Variants in SURF6 observed in about 807,000 individuals in gnomAD.
SURF6 encodes surfeit locus protein 6.
In SURF6, 28 loss-of-function variants were observed where a neutral mutation model predicts 37.5. The ratio of observed to expected loss-of-function variants is 0.75; its 90% confidence interval spans 0.55 to 1.02. The LOEUF (loss-of-function observed/expected upper bound fraction) is 1.02, where lower values mean the gene tolerates loss of function less well. Among genes scored for constraint, SURF6 ranks in the 50% least tolerant of loss-of-function variants. SURF6 has a pLI of 0.00. For missense variants in SURF6, 560 were observed against 490.5 expected, an observed-to-expected ratio of 1.14 and a Z score of -1.34; for synonymous variants, 248 against 210.9, an observed-to-expected ratio of 1.18 and a Z score of -1.52.
At chr9:133,333,127 G>A (rs2129922546) in intron 3 of SURF6, among the ~76,000 whole-genome samples, 6 of 152,130 alleles carry the variant, frequency 3.9e-5, no homozygotes, top group African/African-American at 1.4e-4. Context: ...TTCTGTTCAC[G>A]AGGTACCCAA....
In SURF6 at chr9:133,334,504, C is replaced by G. The variant is rs2129927905; in HGVS notation, c.192G>C (p.Glu64Asp). The G allele has an allele frequency of 6.2e-7, 1 of 1,614,130 alleles. No individual in the cohort carries two copies. The part of the protein sequence containing the change: ...KFRKREEKAA[E>D]HKAKSLGEKS... ...TCTCCCCCAAGGACTTGGCCTTGTG[C>G]TCAGCAGCCTTCTCTTCTCGCTTCC... Residue 64 changes from glutamate to aspartate, a missense_variant, in exon 2 of 5, where the codon GAG becomes GAC. Coordinates refer to ENST00000372022, the MANE Select transcript of SURF6 (RefSeq NM_006753.6).
chr9:133,331,025 T>C lies in SURF6; in HGVS notation c.*844A>G, dbSNP rs1025871384. 6.6e-6 allele frequency: 1 copy of C among 152,190 alleles called. No individual in the cohort carries two copies. Among genetic ancestry groups the C allele is most frequent in the Admixed American group, 6.5e-5 (1 of 15,280 alleles). 9.4% of individuals were successfully genotyped at this position (152,190 alleles called of 1,614,324 possible). ...AACCGGAGAGTTTCATCAAAAGAAT[T>C]TTATTTACAGCTTTATCATCCATAT... On this transcript the variant is annotated 3_prime_UTR_variant, in exon 5 of 5. Transcript: ENST00000372022.
rs2129913760 is a variant in SURF6 at position 133,332,008 on chromosome 9, T to A, written c.947A>T (p.Glu316Val). 1.9e-6 allele frequency: 3 copies of A among 1,600,040 alleles called. No homozygotes were observed. The highest frequency in any genetic ancestry group is 1.1e-5 in the South Asian group (1 of 90,944). Reference protein sequence around the residue: ...RWEKRTAGVVEKMQQRQDRRR... With the variant: ...RWEKRTAGVVVKMQQRQDRRR... ...CCGGTCCTGGCGCTGCTGCATCTTC[T>A]CCACCACGCCGGCCGTGCGCTTCTC... The change falls in exon 5 of 5, where the codon GAG (glutamate) becomes GTG (valine). Residue 316 changes from glutamate (E) to valine (V), a missense_variant. Transcript: ENST00000372022.
At position 133,331,874 on chromosome 9, in the gene SURF6, C is replaced by G. The variant is rs2129912110; in HGVS notation, c.1081G>C (p.Val361Leu). 1 of 1,509,056 alleles carries G rather than the reference C, an allele frequency of 6.6e-7. No individual in the cohort carries two copies. The allele number at this position is 1,509,056 out of a possible 1,614,324, so 93.5% of individuals were successfully genotyped here. A position where few individuals can be genotyped will look rare whatever the true frequency, so the allele number is the denominator to read the frequency against. ...LPQDLERAGL[V>L] ...CGGCCCCAGGTGGGAAAGACTCAGACCAGGCCTGCGCGCTCCAGGTCCTGC... is the reference window on the plus strand; with the variant it reads ...CGGCCCCAGGTGGGAAAGACTCAGAGCAGGCCTGCGCGCTCCAGGTCCTGC... The change falls in exon 5 of 5, where the codon GTC (valine) becomes CTC (leucine). Residue 361 changes from valine (V) to leucine (L), a missense_variant. By Grantham distance (32) the Val-to-Leu change is conservative. Transcript: ENST00000372022.
At chr9:133,333,853 C>G in intron 2 of SURF6, 47 bp from the exon 3 acceptor site, 2 of 1,520,524 alleles carry the variant, frequency 1.3e-6, no homozygotes, top group Non-Finnish European at 1.8e-6. Flanking sequence ...CTTCCCCTCC[C>G]CCTCCCTCCC....
Position 133,331,856 on chromosome 9 carries a change from A to T in SURF6, c.*13T>A. The stretch of plus-strand genomic sequence containing the variant: ...TCCTAGGACGGAAGACGGCGGCCCC[A>T]GGTGGGAAAGACTCAGACCAGGCCT... On this transcript the variant is annotated 3_prime_UTR_variant, in exon 5 of 5. Transcript: ENST00000372022. 1.3e-6 allele frequency: 2 copies of T among 1,497,454 alleles called. No individual in the cohort carries two copies. Among genetic ancestry groups the T allele is most frequent in the East Asian group, 2.3e-5 (1 of 43,266 alleles). The allele number at this position is 1,497,454 out of a possible 1,614,324, so 92.8% of individuals were successfully genotyped here. A position where few individuals can be genotyped will look rare whatever the true frequency, so the allele number is the denominator to read the frequency against.
At chr9:133,333,015 C>T in intron 3 of SURF6, 1 of 563,066 alleles carries the variant, frequency 1.8e-6, no homozygotes. Flanking sequence ...ACATTACGCA[C>T]ATGGTTTCAA....
intron 2 of SURF6, 62 bp downstream of exon 2, chr9:133,334,330 C>T: frequency 6.7e-7 from 1 of 1,492,596 alleles, no homozygotes; most frequent in South Asian, 1.3e-5. Context: ...CAAAGGGGAC[C>T]AAGCCCAAGC....
At chr9:133,333,051 G>A in intron 3 of SURF6, 1 of 463,668 alleles carries the variant, frequency 2.2e-6, no homozygotes, top group South Asian at 2.3e-5. Context: ...TTATAGATGA[G>A]GAGGGTCAAG....
rs1261077579 is a variant in SURF6, at chr9:133,329,681, A to C, written c.*2188T>G. The C allele has an allele frequency of 6.6e-6, 1 of 152,458 alleles. No individual in the cohort carries two copies. Among genetic ancestry groups the C allele is most frequent in the African/African-American group, 2.4e-5 (1 of 41,478 alleles). The allele number at this position is 152,458 out of a possible 1,614,324, so 9.4% of individuals were successfully genotyped here. On this transcript the variant is annotated 3_prime_UTR_variant, in exon 5 of 5. Coordinates refer to ENST00000372022, the MANE Select transcript of SURF6 (RefSeq NM_006753.6). ...TTATTATAATATTGGAATAAAAGGTAATTGCTACAAACTAATGATTAATGA... is the reference window on the plus strand; with the variant it reads ...TTATTATAATATTGGAATAAAAGGTCATTGCTACAAACTAATGATTAATGA...
rs1835755940 is a variant in SURF6 at position 133,332,167 on chromosome 9, TC to T, written c.787del (p.Glu263SerfsTer6). ...LRGQDEGKAQ[E>X]LEAKMKWTNL... ...GGTCCACTTCATCTTCGCCTCCAGC[TC>T]CTGCGCCTTCCCCTCATCCTGGCCG... On this transcript the variant is annotated frameshift_variant, in exon 5 of 5. Coordinates refer to ENST00000372022, the MANE Select transcript of SURF6 (RefSeq NM_006753.6). LOFTEE classifies it high-confidence loss of function. 2 of 1,610,432 alleles carry T rather than the reference TC, an allele frequency of 1.2e-6. No individual in the cohort carries two copies. Among genetic ancestry groups the T allele is most frequent in the African/African-American group, 2.7e-5 (2 of 75,054 alleles).
At chr9:133,335,564 A>G (rs2129931719) in intron 1 of SURF6, among the ~76,000 whole-genome samples, 6 of 152,036 alleles carry the variant, frequency 3.9e-5, no homozygotes, top group African/African-American at 1.5e-4. Context: ...TCCCTTGTGC[A>G]GCGTGGTCAC....
In SURF6 at chr9:133,332,652, CCTT is replaced by C; in HGVS notation, c.499_501del (p.Lys167del). On this transcript the variant is annotated inframe_deletion, in exon 4 of 5. Transcript: ENST00000372022. ...TCCGTGGCCTCCTCAGCCTTCCTGG[CCTT>C]CTCTTTCGCCCGCAGCTCCTTTCGC... 6.2e-7 allele frequency: 1 copy of C among 1,612,012 alleles called. No individual in the cohort carries two copies. The highest frequency in any genetic ancestry group is 8.5e-7 in the Non-Finnish European group (1 of 1,179,988).
intron 2 of SURF6, 30 bp downstream of exon 2, chr9:133,334,362 A>G: frequency 6.3e-7 from 1 of 1,589,974 alleles, no homozygotes; most frequent in Non-Finnish European, 8.5e-7. Flanking sequence ...CCCGCCCTGC[A>G]CAGAACCAAC....
At chr9:133,333,249 G>A (rs1418106679) in intron 3 of SURF6, among the ~76,000 whole-genome samples, 1 of 152,122 alleles carries the variant, frequency 6.6e-6, no homozygotes, top group African/African-American at 2.4e-5. Context: ...TCACCTCTTA[G>A]GAACCACACA....
Position 133,332,039 on chromosome 9 carries a change from G to C in SURF6, c.916C>G (p.Arg306Gly), listed in dbSNP as rs2129914241. The C allele has an allele frequency of 1.7e-5, 27 of 1,602,868 alleles. 1 individual carries two copies. The highest frequency in any genetic ancestry group is 2.2e-5 in the South Asian group (2 of 91,018). The part of the protein sequence containing the change: ...KEKRRAQRQR[R>G]WEKRTAGVVE... ...ACGCCGGCCGTGCGCTTCTCCCACC[G>C]GCGCTGCCGCTGCGCCCTGCGCTTC... Residue 306 changes from arginine (R) to glycine (G), a missense_variant, in exon 5 of 5, where the codon CGG becomes GGG. Transcript: ENST00000372022.
In SURF6 at chr9:133,331,777, G is replaced by C. The variant is rs1172362016; in HGVS notation, c.*92C>G. On this transcript the variant is annotated 3_prime_UTR_variant, in exon 5 of 5. Coordinates refer to ENST00000372022, the MANE Select transcript of SURF6 (RefSeq NM_006753.6). ...CCCTCACATGGAGAGGCCGAGGTCT[G>C]TGGAGATCCTGGGACAGAGCCAGCG... 2 of 1,444,244 alleles carry C rather than the reference G, an allele frequency of 1.4e-6. No individual in the cohort carries two copies. Among genetic ancestry groups the C allele is most frequent in the East Asian group, 5.0e-5 (2 of 39,636 alleles). 89.5% of individuals were successfully genotyped at this position (1,444,244 alleles called of 1,614,324 possible).
In SURF6 at chr9:133,332,284, AC is replaced by A; in HGVS notation, c.670del (p.Val224Ter). On this transcript the variant is annotated frameshift_variant, in exon 5 of 5. Transcript: ENST00000372022. LOFTEE classifies it high-confidence loss of function. ...GGTCAGCGGCGTGAGGTTCCCCTTC[AC>A]CCTCTGCCTCTTCTCTTTTCTGCGC... is the stretch of plus-strand genomic sequence containing the variant. The part of the protein sequence containing the change: ...AQRRKEKRQR[V>X]KGNLTPLTGR... 1.3e-6 allele frequency: 2 copies of A among 1,599,598 alleles called. No homozygotes were observed. The highest frequency in any genetic ancestry group is 1.7e-6 in the Non-Finnish European group (2 of 1,177,628).
In SURF6 at chr9:133,334,465, G is replaced by C; in HGVS notation, c.231C>G (p.Ala77=). ...AKSLGEKSPA[A]SGARRPEAAK... ...CTGCCTCAGGCCTCCTGGCCCCAGA[G>C]GCTGCTGGAGATTTCTCCCCCAAGG... Residue 77 remains alanine (A), a synonymous_variant, in exon 2 of 5, where the codon GCC becomes GCG. Coordinates refer to ENST00000372022, the MANE Select transcript of SURF6 (RefSeq NM_006753.6). 6.2e-7 allele frequency: 1 copy of C among 1,614,070 alleles called. No homozygotes were observed. The highest frequency in any genetic ancestry group is 8.5e-7 in the Non-Finnish European group (1 of 1,180,042).
Sources: allele counts gnomAD v4.1 joint callset (sites outside exome capture counted in the v4.1 genomes callset), GRCh38; gene constraint gnomAD v4.1.1; transcripts MANE v1.5; gene names NCBI Gene and HGNC (gene_info 2026-07-23, HGNC 2026-07-21).